The following ERN1 variants were observed in gnomAD, a reference collection of about 807,000 sequenced individuals.
The protein encoded by ERN1 is endoplasmic reticulum to nucleus signaling 1.
ERN1 carries 39 observed loss-of-function variants against 113.1 expected under a neutral mutation model. The ratio of observed to expected loss-of-function variants is 0.34; its 90% confidence interval spans 0.27 to 0.45. ERN1 has a LOEUF of 0.45. ERN1 is among the 20% of genes least tolerant of loss of function. ERN1 has a pLI of 1.00. For synonymous variants in ERN1, 507 were observed against 515.9 expected (o/e 0.98, Z 0.23); for missense variants, 976 against 1,274.8 (o/e 0.77, Z 3.57).
At chr17:64,083,450 T>C (rs1345727391) in intron 2 of ERN1, among the ~76,000 whole-genome samples, 1 of 152,152 alleles carries the variant, frequency 6.6e-6, no homozygotes, top group Non-Finnish European at 1.5e-5. Flanking sequence ...CCTGTAGGGA[T>C]GTAAACAAAT....
intron 1 of ERN1, among the ~76,000 whole-genome samples, chr17:64,111,316 T>C (rs1304934813): frequency 6.6e-6 from 1 of 151,964 alleles, no homozygotes; most frequent in Non-Finnish European, 1.5e-5. Context: ...CTAAAGTCAC[T>C]ACCCTGGTCA....
chr17:64,054,553 G>T lies in ERN1; in HGVS notation c.1764-114C>A. ...ACTGCCTCCCAGCCTAGAGAGCCCC[G>T]CCTGACTGCCTGGTGGCCCCGGAAT... is the stretch of plus-strand genomic sequence containing the variant. On this transcript the variant is annotated intron_variant, in intron 14 of 21. Transcript: ENST00000433197. This position sits in a 1 kb window ranked among gnomAD's most constrained non-coding sequence, Gnocchi z 4.9. The T allele has an allele frequency of 1.8e-6, 2 of 1,124,842 alleles. No homozygotes were observed. The highest frequency in any genetic ancestry group is 2.5e-6 in the Non-Finnish European group (2 of 792,938). The allele number at this position is 1,124,842 out of a possible 1,614,324, so 69.7% of individuals were successfully genotyped here.
Position 64,097,809 on chromosome 17 carries a change from A to T in ERN1, c.175+312T>A, listed in dbSNP as rs1914270061. The stretch of plus-strand genomic sequence containing the variant: ...CTAATCATGAGAACAAATTTAGTGC[A>T]GCATGTCTTCATAAAGACCAACTAG... On this transcript the variant is annotated intron_variant, in intron 2 of 21. Coordinates refer to ENST00000433197, the MANE Select transcript of ERN1 (RefSeq NM_001433.5). 3 of 251,512 alleles carry T rather than the reference A, an allele frequency of 1.2e-5. No homozygotes were observed. In the East Asian group the frequency reaches 2.6e-4, roughly 21 times the overall value. 15.6% of individuals were successfully genotyped at this position (251,512 alleles called of 1,614,324 possible).
chr17:64,123,904 G>C (rs567823053), intron 1 of ERN1, among the ~76,000 whole-genome samples: 4 of 152,304 alleles, frequency 2.6e-5, no homozygotes, highest in African/African-American at 9.6e-5. Flanking sequence ...GCAGAATTAA[G>C]CTGATTGACA....
At chr17:64,073,979 C>A in intron 5 of ERN1, among the ~76,000 whole-genome samples, 1 of 152,204 alleles carries the variant, frequency 6.6e-6, no homozygotes, top group East Asian at 1.9e-4. Context: ...AAAGTTCTAA[C>A]AGATGTTGCA....
intron 5 of ERN1, among the ~76,000 whole-genome samples, chr17:64,073,881 C>A (rs74456684): frequency 0.092 from 13,961 of 152,102 alleles, 704 homozygotes; most frequent in African/African-American, 0.12. Flanking sequence ...TGGCCTCAAG[C>A]AAACCTCCTG....
chr17:64,069,158 G>A lies in ERN1; in HGVS notation c.479-867C>T, dbSNP rs1913330703. Reference sequence around the variant, plus strand: ...TGTAAGATCCTTCTTTGAGACCTCTGAAAGATTTTAAGGTGGTCCCTCATA... The same window carrying A: ...TGTAAGATCCTTCTTTGAGACCTCTAAAAGATTTTAAGGTGGTCCCTCATA... On this transcript the variant is annotated intron_variant, in intron 6 of 21. Transcript: ENST00000433197. 3.9e-5 allele frequency among the ~76,000 whole-genome samples: 6 copies of A among 152,204 alleles called. No homozygotes were observed. In the South Asian group the frequency reaches 1.2e-3, roughly 32 times the overall value.
At chr17:64,052,184 C>T (rs1290006026) in intron 17 of ERN1, among the ~76,000 whole-genome samples, 1 of 152,046 alleles carries the variant, frequency 6.6e-6, no homozygotes, top group East Asian at 1.9e-4. Flanking sequence ...CGAGATCGCA[C>T]TTCTAAAAAA....
At chr17:64,072,567 C>T (rs140065153) in intron 5 of ERN1, among the ~76,000 whole-genome samples, 87 of 152,354 alleles carry the variant, frequency 5.7e-4, no homozygotes, top group Middle Eastern at 3.4e-3. Flanking sequence ...TCCACAGTTA[C>T]TGTTTATGAC....
intron 1 of ERN1, chr17:64,103,067 T>C (rs757521063): frequency 1.9e-5 from 10 of 531,544 alleles, no homozygotes; most frequent in Non-Finnish European, 2.4e-5. Flanking sequence ...CTGTCCAGCA[T>C]GTGTCACTCA....
chr17:64,126,548 TCA>T (rs1327724380), intron 1 of ERN1, among the ~76,000 whole-genome samples: 1 of 151,968 alleles, frequency 6.6e-6, no homozygotes, highest in Non-Finnish European at 1.5e-5. Context: ...CGAATAACTC[TCA>T]GATACATTTT....
intron 6 of ERN1, among the ~76,000 whole-genome samples, chr17:64,070,585 G>A (rs1913378669): frequency 6.6e-6 from 1 of 152,166 alleles, no homozygotes; most frequent in Non-Finnish European, 1.5e-5. Context: ...ATTTCCAGGA[G>A]AGCCCGGCCA....
intron 1 of ERN1, among the ~76,000 whole-genome samples, chr17:64,103,168 G>A (rs745930082): frequency 3.9e-5 from 6 of 152,110 alleles, no homozygotes; most frequent in Non-Finnish European, 8.8e-5. Context: ...CACAAGACCA[G>A]CACTGGATCC....
At chr17:64,061,148 G>A (rs1342221194) in intron 10 of ERN1, among the ~76,000 whole-genome samples, 1 of 152,196 alleles carries the variant, frequency 6.6e-6, no homozygotes, top group Non-Finnish European at 1.5e-5. Context: ...TTCATTTGCT[G>A]TTCACTACAC....
chr17:64,120,099 C>T (rs564609025), intron 1 of ERN1, among the ~76,000 whole-genome samples: 27 of 152,100 alleles, frequency 1.8e-4, no homozygotes, highest in Non-Finnish European at 4.4e-5. Context: ...CCGGCCCCCA[C>T]TCCCAGAGAT....
At chr17:64,101,781 A>G (rs780010548) in intron 1 of ERN1, among the ~76,000 whole-genome samples, 22 of 152,242 alleles carry the variant, frequency 1.4e-4, no homozygotes, top group Admixed American at 1.3e-3. Flanking sequence ...TAAAGCCTAC[A>G]GTACAACCAT....
chr17:64,126,120 T>C (rs1915074820), intron 1 of ERN1, among the ~76,000 whole-genome samples: 1 of 152,162 alleles, frequency 6.6e-6, no homozygotes, highest in Non-Finnish European at 1.5e-5. Context: ...AACCAGTAGT[T>C]TATTATTCAC....
rs769398269 is a variant in ERN1, at chr17:64,057,941, C to T, written c.1259G>A (p.Arg420Gln). The T allele has an allele frequency of 2.2e-5, 35 of 1,607,124 alleles. No homozygotes were observed. The African/African-American group carries it at 2.8e-4, about 13-fold the overall frequency. ...TSENAPTTVS[R>Q]DVEEKPAHAP... is the part of the protein sequence containing the mutation. ...ATGGGCGGGCTTCTCCTCCACATCC[C>T]GAGACACGGTGGTAGGTGCGTTTTC... Residue 420 changes from arginine (R) to glutamine (Q), a missense_variant, in exon 12 of 22, where the codon CGG (arginine) becomes CAG (glutamine). This residue lies in a region of ERN1 where 459 missense variants were observed against 581.2 expected (regional missense o/e 0.79). Coordinates refer to ENST00000433197, the MANE Select transcript of ERN1 (RefSeq NM_001433.5).
At chr17:64,118,185 G>T (rs1914862150) in intron 1 of ERN1, among the ~76,000 whole-genome samples, 3 of 152,154 alleles carry the variant, frequency 2.0e-5, no homozygotes, top group Non-Finnish European at 1.5e-5. Context: ...CCACCAAAGA[G>T]ATTTTCTGGT....
Sources: allele counts gnomAD v4.1 joint callset (sites outside exome capture counted in the v4.1 genomes callset), GRCh38; gene constraint gnomAD v4.1.1; regional missense constraint gnomAD v4.1.1; non-coding constraint Gnocchi (gnomAD v3.1); transcripts MANE v1.5; gene names NCBI Gene and HGNC (gene_info 2026-07-23, HGNC 2026-07-21).